ADGRL2: variants seen among roughly 807,000 people sequenced by gnomAD.
ADGRL2 encodes calcium-independent alpha-latrotoxin receptor 2.
Under a neutral mutation model 157.4 loss-of-function variants are expected in ADGRL2, and 44 were observed. The ratio of observed to expected loss-of-function variants is 0.28; its 90% confidence interval spans 0.22 to 0.36. The LOEUF is 0.36. ADGRL2 is among the 10% of genes least tolerant of loss of function. The pLI is 1.00. For synonymous variants in ADGRL2, 585 were observed against 624.7 expected (o/e 0.94, Z 0.95); for missense variants, 1,510 against 1,768.9 (o/e 0.85, Z 2.63).
At chr1:81,540,420 A>G (rs958138454) in intron 2 of ADGRL2, among the ~76,000 whole-genome samples, 2 of 152,248 alleles carry the variant, frequency 1.3e-5, no homozygotes, top group African/African-American at 4.8e-5. Context: ...CAAGATTGGC[A>G]CAGTGCCTCC....
At chr1:81,647,371 G>A (rs1412089838) in intron 3 of ADGRL2, among the ~76,000 whole-genome samples, 3 of 152,090 alleles carry the variant, frequency 2.0e-5, no homozygotes, top group Non-Finnish European at 4.4e-5. Flanking sequence ...CTGAAAATTT[G>A]AAATCTGAAA....
intron 1 of ADGRL2, chr1:81,722,345 A>G: frequency 1.4e-6 from 1 of 713,268 alleles, no homozygotes; most frequent in South Asian, 1.4e-5. Flanking sequence ...GGCATATGAT[A>G]AGAAAGTGGT....
intron 2 of ADGRL2, among the ~76,000 whole-genome samples, chr1:81,766,773 T>G (rs1180976794): frequency 7.3e-6 from 1 of 136,168 alleles, no homozygotes; most frequent in East Asian, 2.1e-4. Context: ...GAGATTGTGG[T>G]GAGCGGAGAT....
At chr1:81,349,571 T>C (rs1359209373) in intron 1 of ADGRL2, among the ~76,000 whole-genome samples, 1 of 134,978 alleles carries the variant, frequency 7.4e-6, no homozygotes, top group Non-Finnish European at 1.6e-5. Context: ...CCCCCACCTA[T>C]CTTGCACCAA....
chr1:81,889,478 C>G (rs2094208357), intron 2 of ADGRL2, among the ~76,000 whole-genome samples: 1 of 152,076 alleles, frequency 6.6e-6, no homozygotes, highest in African/African-American at 2.4e-5. Flanking sequence ...TCTATGAACG[C>G]TGAGAGGTGA....
intron 2 of ADGRL2, among the ~76,000 whole-genome samples, chr1:81,487,473 C>G (rs567065840): frequency 6.6e-6 from 1 of 151,960 alleles, no homozygotes; most frequent in African/African-American, 2.4e-5. Context: ...GGTGAAACCA[C>G]GTCTCTACTA....
At chr1:81,798,067 G>A (rs1485873584), upstream of ADGRL2, among the ~76,000 whole-genome samples, 1 of 152,136 alleles carries the variant, frequency 6.6e-6, no homozygotes, top group Non-Finnish European at 1.5e-5. Flanking sequence ...TAATTAAATT[G>A]ATTGGATTGC....
intron 2 of ADGRL2, among the ~76,000 whole-genome samples, chr1:81,773,052 G>C (rs61775269): frequency 1.3e-5 from 2 of 152,042 alleles, no homozygotes; most frequent in Non-Finnish European, 2.9e-5. Context: ...AGCCCCTGAT[G>C]GTGCTTATAG....
intron 3 of ADGRL2, among the ~76,000 whole-genome samples, chr1:81,664,208 T>C (rs1284327545): frequency 1.3e-5 from 2 of 152,128 alleles, no homozygotes; most frequent in Non-Finnish European, 2.9e-5. Context: ...ATTGGTCAAA[T>C]AAACAGATGA....
chr1:81,493,409 T>A (rs566909311), intron 2 of ADGRL2, among the ~76,000 whole-genome samples: 118 of 152,368 alleles, frequency 7.7e-4, no homozygotes, highest in Non-Finnish European at 1.0e-3. Flanking sequence ...TACCTGCCTA[T>A]CTTTAATTTC....
intron 1 of ADGRL2, among the ~76,000 whole-genome samples, chr1:81,834,600 G>C (rs548125557): frequency 6.6e-6 from 1 of 152,112 alleles, no homozygotes. Context: ...TTTTGATTTA[G>C]TTTCCAAATT....
chr1:81,949,944 G>A (rs1055699747), intron 6 of ADGRL2, among the ~76,000 whole-genome samples: 3 of 152,164 alleles, frequency 2.0e-5, no homozygotes, highest in Middle Eastern at 3.2e-3. Flanking sequence ...GAGTCATACA[G>A]CAAACACTAT....
chr1:81,966,590 T>G lies in ADGRL2; in HGVS notation c.2330T>G (p.Phe777Cys). The G allele has an allele frequency of 6.2e-7, 1 of 1,613,948 alleles. No individual in the cohort carries two copies. The highest frequency in any genetic ancestry group is 8.5e-7 in the Non-Finnish European group (1 of 1,179,830). Residue 777 changes from phenylalanine to cysteine, a missense_variant, in exon 13 of 24, where the codon TTT becomes TGT. Coordinates refer to ENST00000686636, the MANE Select transcript of ADGRL2 (RefSeq NM_001366006.2). The part of the protein sequence containing the change: ...SRVYLTDPVL[F>C]TLPHIDPDNY... ...GTATACCTGACTGATCCTGTGCTTTTTACCCTGCCACACATTGATGTAAGT... is the reference window on the plus strand; with the variant it reads ...GTATACCTGACTGATCCTGTGCTTTGTACCCTGCCACACATTGATGTAAGT...
chr1:81,400,186 A>G (rs2101240614), intron 1 of ADGRL2, among the ~76,000 whole-genome samples: 1 of 152,002 alleles, frequency 6.6e-6, no homozygotes, highest in South Asian at 2.1e-4. Context: ...CCCAGTGGAA[A>G]GTCTTATCTT....
chr1:81,734,201 G>A (rs1209580084), intron 1 of ADGRL2, among the ~76,000 whole-genome samples: 5 of 147,956 alleles, frequency 3.4e-5, no homozygotes, highest in East Asian at 2.0e-4. Context: ...GCTTAAACCC[G>A]GGGAGGTGGA....
At chr1:81,692,239 T>A (rs1382184419) in intron 3 of ADGRL2, among the ~76,000 whole-genome samples, 1 of 152,032 alleles carries the variant, frequency 6.6e-6, no homozygotes. Flanking sequence ...AAACCCCATC[T>A]CTACTAAAAA....
chr1:81,699,474 C>G (rs962301742), upstream of ADGRL2, among the ~76,000 whole-genome samples: 1 of 152,132 alleles, frequency 6.6e-6, no homozygotes, highest in African/African-American at 2.4e-5. Flanking sequence ...GTGGGTAAAT[C>G]ATGAAGTCAC....
chr1:81,951,771 G>A (rs1019746344), intron 8 of ADGRL2, among the ~76,000 whole-genome samples, 186 bp from the exon 9 acceptor site: 1 of 152,048 alleles, frequency 6.6e-6, no homozygotes, highest in African/African-American at 2.4e-5. Flanking sequence ...AGAATTGTGT[G>A]TGTGTGTGTG....
chr1:81,567,164 G>A (rs868328362), intron 2 of ADGRL2, among the ~76,000 whole-genome samples: 1 of 152,090 alleles, frequency 6.6e-6, no homozygotes, highest in Admixed American at 6.6e-5. Flanking sequence ...GGAATCAGCT[G>A]TTCTTTTTGA....
Sources: gnomAD v4.1 joint callset for allele counts (sites outside exome capture counted in the v4.1 genomes callset) on GRCh38, gnomAD v4.1.1 for gene constraint, MANE v1.5 for transcripts, NCBI Gene and HGNC (gene_info 2026-07-23, HGNC 2026-07-21) for gene names.